Variants in EVI5 observed in about 807,000 individuals in gnomAD.
EVI5 encodes ecotropic viral integration site 5, also known as ecotropic viral integration site 5 protein homolog.
Under a neutral mutation model 112.0 loss-of-function variants are expected in EVI5, and 73 were observed. The ratio of observed to expected loss-of-function variants is 0.65; its 90% confidence interval spans 0.54 to 0.79. The LOEUF is 0.79. Ranked by LOEUF, EVI5 falls within the 30% of genes least tolerant of loss-of-function variation. The pLI is 0.00. For synonymous variants in EVI5, 305 were observed against 319.9 expected, an observed-to-expected ratio of 0.95 and a Z score of 0.50; for missense variants, 900 against 968.8, an observed-to-expected ratio of 0.93 and a Z score of 0.94.
At chr1:92,634,494 G>A (rs942584634) in intron 14 of EVI5, among the ~76,000 whole-genome samples, 69 of 152,062 alleles carry the variant, frequency 4.5e-4, no homozygotes, top group Non-Finnish European at 7.2e-4. Flanking sequence ...TTGTGCATTC[G>A]TCACGTAGTT....
intron 19 of EVI5, among the ~76,000 whole-genome samples, chr1:92,561,528 A>T (rs1045176643): frequency 2.0e-5 from 3 of 151,814 alleles, no homozygotes; most frequent in Non-Finnish European, 4.4e-5. Context: ...CATGTGAGTT[A>T]TTTTCTGGCA....
intron 1 of EVI5, among the ~76,000 whole-genome samples, chr1:92,762,206 T>G (rs1274295225): frequency 6.6e-6 from 1 of 152,228 alleles, no homozygotes; most frequent in African/African-American, 2.4e-5. Flanking sequence ...GTTAATATTA[T>G]CTGTAGGCAT....
At chr1:92,653,231 T>C (rs2102069675) in intron 13 of EVI5, among the ~76,000 whole-genome samples, 1 of 152,350 alleles carries the variant, frequency 6.6e-6, no homozygotes, top group East Asian at 1.9e-4. Context: ...TTCCCTGGCA[T>C]CTGCTCAGAT....
intron 1 of EVI5, among the ~76,000 whole-genome samples, chr1:92,769,090 T>A (rs1029050787): frequency 6.6e-6 from 1 of 152,244 alleles, no homozygotes; most frequent in Non-Finnish European, 1.5e-5. Flanking sequence ...AGAACCTCTT[T>A]GTTGCTAAAT....
At chr1:92,781,000 C>T (rs1003705569) in intron 1 of EVI5, among the ~76,000 whole-genome samples, 10 of 151,806 alleles carry the variant, frequency 6.6e-5, no homozygotes, top group Non-Finnish European at 1.0e-4. Flanking sequence ...TACAGGCACC[C>T]GCCACCACGC....
chr1:92,589,356 C>A (rs984881887), intron 18 of EVI5, among the ~76,000 whole-genome samples: 13 of 152,122 alleles, frequency 8.5e-5, no homozygotes, highest in Admixed American at 8.5e-4. Context: ...CAGGGAATTC[C>A]CTTTCCTAGC....
At chr1:92,551,335 G>C (rs1666908311) in intron 19 of EVI5, among the ~76,000 whole-genome samples, 1 of 151,990 alleles carries the variant, frequency 6.6e-6, no homozygotes. Flanking sequence ...GCAACTGCAT[G>C]AATTTCTATT....
chr1:92,550,316 G>A (rs1450089450), intron 19 of EVI5, among the ~76,000 whole-genome samples: 1 of 130,666 alleles, frequency 7.7e-6, no homozygotes, highest in Admixed American at 8.5e-5. Context: ...CTGGACACGG[G>A]AAGGGGAACA....
intron 18 of EVI5, among the ~76,000 whole-genome samples, chr1:92,601,742 T>C (rs1458809926): frequency 2.6e-5 from 4 of 152,140 alleles, no homozygotes; most frequent in Non-Finnish European, 5.9e-5. Flanking sequence ...TAAAAAAAAT[T>C]CCATGAATTT....
At chr1:92,588,337 T>A (rs1470911075) in intron 18 of EVI5, among the ~76,000 whole-genome samples, 4 of 152,226 alleles carry the variant, frequency 2.6e-5, no homozygotes, top group Non-Finnish European at 1.5e-5. Context: ...AGACTTCCTC[T>A]AATTCCCATG....
intron 10 of EVI5, among the ~76,000 whole-genome samples, chr1:92,676,024 A>T (rs998527048): frequency 5.1e-4 from 73 of 142,226 alleles, no homozygotes; most frequent in African/African-American, 1.8e-3. Context: ...TGACAGAATT[A>T]AAAAAAAAAA....
upstream of EVI5, among the ~76,000 whole-genome samples, chr1:92,786,228 C>A: frequency 2.8e-5 from 2 of 72,524 alleles, no homozygotes; most frequent in South Asian, 6.3e-4. Context: ...CTGAACTAAG[C>A]ATTTCAGAAA....
intron 16 of EVI5, among the ~76,000 whole-genome samples, chr1:92,615,968 T>C (rs1214271584): frequency 6.6e-6 from 1 of 152,236 alleles, no homozygotes. Context: ...GCTGAATTTA[T>C]TGATTTGGGC....
intron 19 of EVI5, among the ~76,000 whole-genome samples, chr1:92,521,130 T>C (rs1660861439): frequency 6.6e-6 from 1 of 151,634 alleles, no homozygotes; most frequent in Non-Finnish European, 1.5e-5. Flanking sequence ...CCTGGCTAAT[T>C]TGTGTATTTT....
intron 1 of EVI5, among the ~76,000 whole-genome samples, chr1:92,757,895 G>A (rs1681190399): frequency 1.6e-5 from 2 of 122,414 alleles, no homozygotes; most frequent in African/African-American, 3.3e-5. Flanking sequence ...AAGAGTGAGC[G>A]AGACTCTGCC....
chr1:92,674,451 C>T (rs1666383534), intron 10 of EVI5, among the ~76,000 whole-genome samples: 1 of 151,984 alleles, frequency 6.6e-6, no homozygotes, highest in South Asian at 2.1e-4. Context: ...TACCAAACAC[C>T]ACATGTTCTT....
intron 2 of EVI5, among the ~76,000 whole-genome samples, chr1:92,705,633 G>T (rs972306394): frequency 2.0e-5 from 3 of 152,130 alleles, no homozygotes; most frequent in Admixed American, 2.0e-4. Flanking sequence ...CTTATCTGTT[G>T]AAAGAAGGGT....
chr1:92,689,182 G>C (rs189831500), intron 9 of EVI5, among the ~76,000 whole-genome samples: 68 of 152,238 alleles, frequency 4.5e-4, no homozygotes, highest in African/African-American at 1.6e-3. Context: ...TACACTGCTG[G>C]GTTAGACTAC....
rs527499421 is a variant in EVI5, at chr1:92,574,519, C to T, written c.2071-10782G>A. Reference sequence around the variant, plus strand: ...ATGTTATAGTGCAGCAAAACTGAGACGAATAGAATGTCAAGTTGCTTTGAG... The same window carrying T: ...ATGTTATAGTGCAGCAAAACTGAGATGAATAGAATGTCAAGTTGCTTTGAG... On this transcript the variant is annotated intron_variant, in intron 18 of 19. Coordinates refer to ENST00000684568, the MANE Select transcript of EVI5 (RefSeq NM_001350197.2). Among the ~76,000 whole-genome samples, 77 of 152,154 alleles carry T rather than the reference C, an allele frequency of 5.1e-4. 1 individual carries two copies. The highest frequency in any genetic ancestry group is 3.5e-3 in the East Asian group (18 of 5,174).
Sources: gnomAD v4.1 joint callset for allele counts (sites outside exome capture counted in the v4.1 genomes callset) on GRCh38, gnomAD v4.1.1 for gene constraint, MANE v1.5 for transcripts, NCBI Gene and HGNC (gene_info 2026-07-23, HGNC 2026-07-21) for gene names.